The following MOB3B variants were observed in gnomAD, a reference collection of about 807,000 sequenced individuals.
MOB3B encodes the protein MOB kinase activator-like 2B.
A neutral mutation model predicts 18.7 loss-of-function variants in MOB3B; 7 were observed. The ratio of observed to expected loss-of-function variants is 0.37; its 90% confidence interval spans 0.21 to 0.70. The LOEUF is 0.70. Among genes scored for constraint, MOB3B ranks in the 30% least tolerant of loss-of-function variants. The pLI is 0.52. For synonymous variants in MOB3B, 111 were observed against 99.9 expected, an observed-to-expected ratio of 1.11 and a Z score of -0.66; for missense variants, 253 against 281.3, an observed-to-expected ratio of 0.90 and a Z score of 0.72.
At chr9:27,504,986 T>C (rs895428544) in intron 1 of MOB3B, among the ~76,000 whole-genome samples, 6 of 152,162 alleles carry the variant, frequency 3.9e-5, no homozygotes, top group Admixed American at 3.3e-4. Flanking sequence ...AGACTCTCGC[T>C]TGCCTGCCTC....
chr9:27,403,146 G>T (rs982350760), intron 2 of MOB3B, among the ~76,000 whole-genome samples: 3 of 152,194 alleles, frequency 2.0e-5, no homozygotes, highest in Non-Finnish European at 4.4e-5. Flanking sequence ...TCCTGGGCTG[G>T]ATTGATCAAG....
At position 27,403,814 on chromosome 9, in the gene MOB3B, T is replaced by G. The variant is rs533146633; in HGVS notation, c.419-44578A>C. On this transcript the variant is annotated intron_variant, in intron 2 of 3. Transcript: ENST00000262244. ...ATTTTTAATTGTTATGGATACATAATAGTTGTACACATTTATGGGGCACAT... is the reference window on the plus strand; with the variant it reads ...ATTTTTAATTGTTATGGATACATAAGAGTTGTACACATTTATGGGGCACAT... 5.7e-4 allele frequency among the ~76,000 whole-genome samples: 87 copies of G among 152,228 alleles called. No individual in the cohort carries two copies. In the East Asian group the frequency reaches 0.016, roughly 28 times the overall value.
chr9:27,489,619 G>T (rs893181862), intron 1 of MOB3B, among the ~76,000 whole-genome samples: 2 of 152,104 alleles, frequency 1.3e-5, no homozygotes, highest in Non-Finnish European at 2.9e-5. Context: ...GGCTAACCAC[G>T]TATGTGGGTG....
intron 1 of MOB3B, among the ~76,000 whole-genome samples, chr9:27,521,933 G>C (rs765187844): frequency 1.3e-4 from 19 of 151,894 alleles, no homozygotes; most frequent in Non-Finnish European, 7.4e-5. Context: ...TTTAAAAACA[G>C]CCTTCTCTTA....
chr9:27,508,553 C>T (rs1262372081), intron 1 of MOB3B, among the ~76,000 whole-genome samples: 1 of 151,906 alleles, frequency 6.6e-6, no homozygotes, highest in Non-Finnish European at 1.5e-5. Context: ...TAATTTTTTT[C>T]ATTTTGAAGG....
chr9:27,472,284 G>GAA (rs199519811), intron 1 of MOB3B, among the ~76,000 whole-genome samples: 3 of 142,392 alleles, frequency 2.1e-5, no homozygotes, highest in African/African-American at 7.8e-5. Context: ...AAAAGCTACA[G>GAA]AAAAAAAAAA....
chr9:27,355,080 G>A (rs921734040), intron 3 of MOB3B, among the ~76,000 whole-genome samples: 1 of 152,210 alleles, frequency 6.6e-6, no homozygotes. Context: ...AGGGTCCAGG[G>A]TTGGAACCCA....
At chr9:27,401,574 T>C (rs560502361) in intron 2 of MOB3B, among the ~76,000 whole-genome samples, 24 of 152,270 alleles carry the variant, frequency 1.6e-4, no homozygotes, top group African/African-American at 5.8e-4. Flanking sequence ...TATTACCCCT[T>C]AAAAAACTTG....
At position 27,460,779 on chromosome 9, in the gene MOB3B, T is replaced by C. The variant is rs527545600; in HGVS notation, c.-198-5031A>G. On this transcript the variant is annotated intron_variant, in intron 1 of 3. Coordinates refer to ENST00000262244, the MANE Select transcript of MOB3B (RefSeq NM_024761.5). The stretch of plus-strand genomic sequence containing the variant: ...AGAAATGCCCCAGAAACACCCCGCA[T>C]GAAGGAGGTTTAGTGTCATCTTCAT... 6.2e-4 allele frequency among the ~76,000 whole-genome samples: 94 copies of C among 152,326 alleles called. 1 individual carries two copies. The highest frequency in any genetic ancestry group is 2.1e-3 in the African/African-American group (87 of 41,584).
At chr9:27,344,006 A>G (rs1354119832) in intron 3 of MOB3B, among the ~76,000 whole-genome samples, 1 of 152,204 alleles carries the variant, frequency 6.6e-6, no homozygotes, top group Non-Finnish European at 1.5e-5. Context: ...TTGCATGACA[A>G]TGTGAGTGCA....
At chr9:27,362,080 G>C (rs1454122226) in intron 2 of MOB3B, among the ~76,000 whole-genome samples, 5 of 152,146 alleles carry the variant, frequency 3.3e-5, no homozygotes, top group Admixed American at 6.5e-5. Context: ...AAGCGGCTCT[G>C]TTCCCCCCAT....
chr9:27,394,535 C>T (rs1038075300), intron 2 of MOB3B, among the ~76,000 whole-genome samples: 8 of 152,132 alleles, frequency 5.3e-5, no homozygotes, highest in Non-Finnish European at 1.0e-4. Context: ...CACATGATAC[C>T]AGCCATTGGA....
intron 3 of MOB3B, among the ~76,000 whole-genome samples, chr9:27,336,254 C>T (rs1476450195): frequency 6.6e-6 from 1 of 152,150 alleles, no homozygotes. Context: ...AAACAACATT[C>T]TGCTTTCATT....
chr9:27,518,149 C>G (rs2131505453), intron 1 of MOB3B, among the ~76,000 whole-genome samples: 1 of 152,294 alleles, frequency 6.6e-6, no homozygotes, highest in East Asian at 1.9e-4. Flanking sequence ...GTCAAGAAAC[C>G]TTATGACCAC....
intron 2 of MOB3B, among the ~76,000 whole-genome samples, chr9:27,436,955 C>G (rs1822510930): frequency 7.7e-6 from 1 of 130,474 alleles, no homozygotes; most frequent in Non-Finnish European, 1.5e-5. Flanking sequence ...ACAGAACGCG[C>G]AAAGGCTCGG....
At chr9:27,438,928 G>T (rs1419591559) in intron 2 of MOB3B, among the ~76,000 whole-genome samples, 1 of 152,130 alleles carries the variant, frequency 6.6e-6, no homozygotes, top group African/African-American at 2.4e-5. Flanking sequence ...GACCTTACCT[G>T]TTGAAAGAGA....
intron 1 of MOB3B, among the ~76,000 whole-genome samples, chr9:27,493,905 G>A (rs966295948): frequency 6.6e-6 from 1 of 152,226 alleles, no homozygotes; most frequent in African/African-American, 2.4e-5. Context: ...GACCACCGGT[G>A]AGCCGGGCAG....
intron 2 of MOB3B, among the ~76,000 whole-genome samples, chr9:27,446,432 C>T (rs1320287920): frequency 2.0e-5 from 3 of 152,192 alleles, no homozygotes. Context: ...CTATTAGAGA[C>T]TCCTTCCTGA....
intron 3 of MOB3B, among the ~76,000 whole-genome samples, chr9:27,332,312 A>G (rs1820801428): frequency 6.6e-6 from 1 of 152,212 alleles, no homozygotes; most frequent in Non-Finnish European, 1.5e-5. Context: ...TCTTGATGAC[A>G]CAGACAAGGA....
Sources: allele counts gnomAD v4.1 joint callset (sites outside exome capture counted in the v4.1 genomes callset), GRCh38; gene constraint gnomAD v4.1.1; transcripts MANE v1.5; gene names NCBI Gene and HGNC (gene_info 2026-07-23, HGNC 2026-07-21).